Variants in PMM2 observed in about 807,000 individuals in gnomAD.
PMM2 encodes the protein phosphomannomutase 2, also known as mannose-6-phosphate isomerase.
A neutral mutation model predicts 33.2 loss-of-function variants in PMM2; 35 were observed. The observed-to-expected ratio is 1.06, with a 90% CI of 0.81 to 1.40. PMM2 has a LOEUF of 1.40. Ranked by LOEUF, PMM2 falls within the 40% of genes most tolerant of loss-of-function variation. The probability of loss-of-function intolerance (pLI) is 0.00; values close to 1 mark genes in which losing one functional copy is unlikely to be tolerated. For synonymous variants in PMM2, 153 were observed against 114.7 expected, an observed-to-expected ratio of 1.33 and a Z score of -2.13; for missense variants, 386 against 306.0, an observed-to-expected ratio of 1.26 and a Z score of -1.95.
chr16:8,832,075 A>T, intron 7 of PMM2: 2 of 917,458 alleles, frequency 2.2e-6, no homozygotes, highest in Non-Finnish European at 2.6e-6. Flanking sequence ...GAGGGCAGCC[A>T]GCTTTCCTTT....
intron 7 of PMM2, among the ~76,000 whole-genome samples, chr16:8,845,234 C>T (rs948520234): frequency 1.3e-5 from 2 of 152,148 alleles, no homozygotes; most frequent in Non-Finnish European, 2.9e-5. Flanking sequence ...AAAGTACATC[C>T]TCAAGAGTGG....
At chr16:8,839,365 G>A (rs1243062473) in intron 7 of PMM2, among the ~76,000 whole-genome samples, 1 of 152,004 alleles carries the variant, frequency 6.6e-6, no homozygotes, top group African/African-American at 2.4e-5. Flanking sequence ...TGCAAGGGGT[G>A]TCTTGTACCT....
At chr16:8,804,152 C>T (rs1305306077) in intron 2 of PMM2, among the ~76,000 whole-genome samples, 1 of 149,622 alleles carries the variant, frequency 6.7e-6, no homozygotes, top group Non-Finnish European at 1.5e-5. Flanking sequence ...AATTCTCCTG[C>T]CTCAGCCTCC....
At chr16:8,819,681 C>G (rs1258312342) in intron 7 of PMM2, among the ~76,000 whole-genome samples, 1 of 145,664 alleles carries the variant, frequency 6.9e-6, no homozygotes, top group African/African-American at 2.6e-5. Flanking sequence ...GGCAACAGAG[C>G]GAGACCTCGT....
intron 7 of PMM2, among the ~76,000 whole-genome samples, chr16:8,838,414 A>T (rs1002990797): frequency 6.6e-6 from 1 of 151,978 alleles, no homozygotes; most frequent in African/African-American, 2.4e-5. Flanking sequence ...CTGCCTTCTT[A>T]TGTTAATAAG....
At chr16:8,810,991 G>C in intron 4 of PMM2, 88 bp from the exon 5 acceptor site, 2 of 807,610 alleles carry the variant, frequency 2.5e-6, no homozygotes, top group Non-Finnish European at 4.2e-6. Flanking sequence ...CTGCTTTTTA[G>C]AATTTCCCAA....
intron 7 of PMM2, among the ~76,000 whole-genome samples, chr16:8,843,297 A>C (rs1418056100): frequency 6.6e-6 from 1 of 152,186 alleles, no homozygotes. Context: ...AGAGTTACCC[A>C]AAGCTTGGCG....
At chr16:8,815,468 A>G (rs369379415) in intron 7 of PMM2, among the ~76,000 whole-genome samples, 2 of 152,142 alleles carry the variant, frequency 1.3e-5, no homozygotes, top group African/African-American at 4.8e-5. Flanking sequence ...TGGCCTCAAG[A>G]GATTCACCTG....
In PMM2 at chr16:8,828,432, G is replaced by T. The variant is rs140332253; in HGVS notation, c.639+15326G>T. ...ACCACTGTGAAATAGCAAAGCTTCA[G>T]CTACTGAGCTAAAGCTGAAGGCTGT... is the stretch of plus-strand genomic sequence containing the variant. On this transcript the variant is annotated intron_variant, in intron 7 of 7. Transcript: ENST00000268261. Among the ~76,000 whole-genome samples the T allele has an allele frequency of 4.0e-3, 605 of 152,266 alleles. 5 individuals carry two copies. Among genetic ancestry groups the T allele is most frequent in the African/African-American group, 0.013 (560 of 41,528 alleles).
At chr16:8,804,022 GTTTTTTTTGTTTTTT>G (rs1365031730) in intron 2 of PMM2, among the ~76,000 whole-genome samples, 1 of 25,992 alleles carries the variant, frequency 3.8e-5, no homozygotes, top group Admixed American at 2.6e-4. Flanking sequence ...TGTTTTTTGG[GTTTTTTTTGTTTTTT>G]TTTTTTTTTT....
intron 7 of PMM2, among the ~76,000 whole-genome samples, chr16:8,813,776 G>C (rs2060691166): frequency 6.6e-6 from 1 of 151,908 alleles, no homozygotes; most frequent in South Asian, 2.1e-4. Context: ...ATCCCCAGGA[G>C]GTCAGAGAGG....
At chr16:8,821,686 G>A (rs2060740362) in intron 7 of PMM2, among the ~76,000 whole-genome samples, 4 of 152,172 alleles carry the variant, frequency 2.6e-5, no homozygotes, top group Non-Finnish European at 2.9e-5. Context: ...AGGGTCACTC[G>A]CCCTAGGGCC....
chr16:8,827,505 C>T (rs1440225612), intron 7 of PMM2, among the ~76,000 whole-genome samples: 3 of 149,976 alleles, frequency 2.0e-5, no homozygotes, highest in Admixed American at 6.7e-5. Flanking sequence ...AAGTGATTCT[C>T]GTGCCTCAGC....
chr16:8,799,070 T>C (rs1038600220), intron 1 of PMM2, among the ~76,000 whole-genome samples: 5 of 152,176 alleles, frequency 3.3e-5, no homozygotes, highest in African/African-American at 1.2e-4. Flanking sequence ...AATTCATTTT[T>C]TGTAAAGGGC....
At chr16:8,839,116 C>T (rs1319940360) in intron 7 of PMM2, among the ~76,000 whole-genome samples, 1 of 151,742 alleles carries the variant, frequency 6.6e-6, no homozygotes, top group Non-Finnish European at 1.5e-5. Flanking sequence ...GGCAGAAAGT[C>T]CTAAACCGAC....
intron 4 of PMM2, 43 bp downstream of exon 4, chr16:8,806,450 T>C: frequency 8.6e-7 from 1 of 1,161,764 alleles, no homozygotes; most frequent in Non-Finnish European, 1.3e-6. Flanking sequence ...GAACATAGCG[T>C]AGTGTCACAT....
Position 8,847,846 on chromosome 16 carries a change from G to A in PMM2, c.*21G>A. On this transcript the variant is annotated 3_prime_UTR_variant, in exon 8 of 8. Coordinates refer to ENST00000268261, the MANE Select transcript of PMM2 (RefSeq NM_000303.3). ...CCTAACGTGGGAGCGGGAGGGGCGGGGTCCCGGCTGACAAGCCAGCATAGG... is the reference window on the plus strand; with the variant it reads ...CCTAACGTGGGAGCGGGAGGGGCGGAGTCCCGGCTGACAAGCCAGCATAGG... 6.3e-7 allele frequency: 1 copy of A among 1,580,634 alleles called. No homozygotes were observed. The highest frequency in any genetic ancestry group is 1.1e-5 in the South Asian group (1 of 90,418).
At chr16:8,802,957 T>C (rs2060624577) in intron 2 of PMM2, among the ~76,000 whole-genome samples, 1 of 152,176 alleles carries the variant, frequency 6.6e-6, no homozygotes, top group South Asian at 2.1e-4. Context: ...CTTCGCACTA[T>C]TGATATTTTG....
chr16:8,812,912 G>C, intron 6 of PMM2, 79 bp from the exon 7 acceptor site: 2 of 853,866 alleles, frequency 2.3e-6, no homozygotes, highest in South Asian at 2.6e-5. Context: ...TGACAAAAGA[G>C]TAAATTGTTT....
Sources: gnomAD v4.1 joint callset for allele counts (sites outside exome capture counted in the v4.1 genomes callset) on GRCh38, gnomAD v4.1.1 for gene constraint, MANE v1.5 for transcripts, NCBI Gene and HGNC (gene_info 2026-07-23, HGNC 2026-07-21) for gene names.